The following CAMKMT variants were observed in gnomAD, a reference collection of about 807,000 sequenced individuals.
CAMKMT encodes calmodulin-lysine N-methyltransferase.
CAMKMT carries 53 observed loss-of-function variants against 48.0 expected under a neutral mutation model. The ratio of observed to expected loss-of-function variants is 1.10; its 90% CI spans 0.89 to 1.39. The LOEUF (loss-of-function observed/expected upper bound fraction) is 1.39. Ranked by LOEUF, CAMKMT falls within the 40% of genes most tolerant of loss-of-function variation. The pLI is 0.00. For missense variants in CAMKMT, 428 were observed against 402.7 expected, an observed-to-expected ratio of 1.06 and a Z score of -0.54; for synonymous variants, 165 against 152.3, an observed-to-expected ratio of 1.08 and a Z score of -0.61.
intron 3 of CAMKMT, among the ~76,000 whole-genome samples, chr2:44,663,588 TCTC>T (rs1205228390): frequency 1.3e-5 from 2 of 152,220 alleles, no homozygotes; most frequent in African/African-American, 4.8e-5. Flanking sequence ...GAGCCTTTCT[TCTC>T]CTTCCTGCAG....
intron 3 of CAMKMT, among the ~76,000 whole-genome samples, chr2:44,606,848 C>G (rs1671315299): frequency 6.8e-6 from 1 of 147,502 alleles, no homozygotes; most frequent in Non-Finnish European, 1.5e-5. Flanking sequence ...TTCAGTTTAT[C>G]TATAGTTTAT....
At chr2:44,470,886 T>C (rs1270966508) in intron 3 of CAMKMT, among the ~76,000 whole-genome samples, 3 of 152,184 alleles carry the variant, frequency 2.0e-5, no homozygotes, top group African/African-American at 7.2e-5. Flanking sequence ...TTTGTCAGTT[T>C]ATCTGCTATG....
At chr2:44,582,297 GAA>G (rs999135384) in intron 3 of CAMKMT, among the ~76,000 whole-genome samples, 2 of 152,124 alleles carry the variant, frequency 1.3e-5, no homozygotes, top group Non-Finnish European at 2.9e-5. Context: ...TCTCTGAAAA[GAA>G]AAGAGCATAA....
At position 44,695,893 on chromosome 2, in the gene CAMKMT, A is replaced by G. The variant is rs535153896; in HGVS notation, c.377-8390A>G. Among the ~76,000 whole-genome samples the G allele has an allele frequency of 5.9e-5, 9 of 151,388 alleles. No homozygotes were observed. The South Asian group carries it at 1.9e-3, about 32-fold the overall frequency. Reference sequence around the variant, plus strand: ...CATCTGAGGATTCAGCCAACCTCTGATCCAAAATATTCAAAAAAAAAAAAA... The same window carrying G: ...CATCTGAGGATTCAGCCAACCTCTGGTCCAAAATATTCAAAAAAAAAAAAA... On this transcript the variant is annotated intron_variant, in intron 3 of 10. Coordinates refer to ENST00000378494, the MANE Select transcript of CAMKMT (RefSeq NM_024766.5).
At chr2:44,613,885 G>A (rs1671728136) in intron 3 of CAMKMT, among the ~76,000 whole-genome samples, 1 of 152,138 alleles carries the variant, frequency 6.6e-6, no homozygotes, top group Non-Finnish European at 1.5e-5. Context: ...ATGGAATGAA[G>A]AGGTTCAATT....
chr2:44,467,975 C>G (rs1403718269), intron 3 of CAMKMT, among the ~76,000 whole-genome samples: 1 of 152,096 alleles, frequency 6.6e-6, no homozygotes, highest in Admixed American at 6.6e-5. Flanking sequence ...ACCTCAAAAA[C>G]ATAGGCAACA....
chr2:44,751,820 T>C (rs935135396), intron 8 of CAMKMT, among the ~76,000 whole-genome samples: 9 of 152,224 alleles, frequency 5.9e-5, no homozygotes, highest in Non-Finnish European at 1.3e-4. Context: ...AGCATATTGC[T>C]GGCATCTGCT....
intron 3 of CAMKMT, among the ~76,000 whole-genome samples, chr2:44,392,812 T>C (rs1302971036): frequency 2.0e-5 from 3 of 151,958 alleles, no homozygotes; most frequent in African/African-American, 7.2e-5. Context: ...TGATAGAGAG[T>C]GAAAGTTCCA....
Position 44,702,652 on chromosome 2 carries a change from A to G in CAMKMT, c.377-1631A>G, listed in dbSNP as rs540551154. Among the ~76,000 whole-genome samples, 494 of 152,300 alleles carry G rather than the reference A, an allele frequency of 3.2e-3. 2 individuals carry two copies. The highest frequency in any genetic ancestry group is 4.1e-3 in the Admixed American group (63 of 15,298). ...CAAAATATCTGTGATCTTAACTGCC[A>G]CATTCCACTGCCTCTCTTACTTTCC... On this transcript the variant is annotated intron_variant, in intron 3 of 10. Coordinates refer to ENST00000378494, the MANE Select transcript of CAMKMT (RefSeq NM_024766.5).
intron 3 of CAMKMT, among the ~76,000 whole-genome samples, chr2:44,645,638 T>C (rs998622760): frequency 2.0e-5 from 3 of 152,074 alleles, no homozygotes; most frequent in African/African-American, 7.2e-5. Context: ...CTGGCCAACA[T>C]GGTGAAACCC....
intron 3 of CAMKMT, among the ~76,000 whole-genome samples, chr2:44,695,749 T>C (rs1418666148): frequency 6.6e-6 from 1 of 152,022 alleles, no homozygotes; most frequent in Non-Finnish European, 1.5e-5. Flanking sequence ...ACTTAGCAGA[T>C]ATGAGAAAGC....
At chr2:44,380,773 T>C (rs1237249587) in intron 2 of CAMKMT, among the ~76,000 whole-genome samples, 1 of 152,204 alleles carries the variant, frequency 6.6e-6, no homozygotes, top group Non-Finnish European at 1.5e-5. Context: ...ATTTCATTTT[T>C]ATAAGTATCT....
chr2:44,594,740 A>G (rs1046161261), intron 3 of CAMKMT, among the ~76,000 whole-genome samples: 12 of 152,222 alleles, frequency 7.9e-5, no homozygotes, highest in Admixed American at 4.6e-4. Flanking sequence ...GCCATTCAGG[A>G]CATAGGCATG....
chr2:44,558,583 A>G (rs1438836187), intron 3 of CAMKMT, among the ~76,000 whole-genome samples: 2 of 152,168 alleles, frequency 1.3e-5, no homozygotes, highest in African/African-American at 2.4e-5. Flanking sequence ...CATATGCCCC[A>G]TGGACTACTA....
intron 2 of CAMKMT, among the ~76,000 whole-genome samples, chr2:44,389,658 T>A (rs1479880145): frequency 6.6e-6 from 1 of 152,168 alleles, no homozygotes; most frequent in Non-Finnish European, 1.5e-5. Flanking sequence ...TAATAAAATA[T>A]CAGTGTCAAG....
intron 7 of CAMKMT, among the ~76,000 whole-genome samples, chr2:44,726,936 G>A (rs1274924950): frequency 6.6e-6 from 1 of 152,020 alleles, no homozygotes; most frequent in Non-Finnish European, 1.5e-5. Flanking sequence ...GCAAGTGTGC[G>A]GCTTTATTTC....
chr2:44,365,196 T>C (rs901845148), intron 1 of CAMKMT, among the ~76,000 whole-genome samples: 2 of 152,258 alleles, frequency 1.3e-5, no homozygotes, highest in African/African-American at 4.8e-5. Context: ...CTGAAGAACA[T>C]CTGCTCTGTC....
intron 2 of CAMKMT, among the ~76,000 whole-genome samples, chr2:44,388,995 AG>A (rs1288334220): frequency 3.9e-5 from 6 of 152,022 alleles, no homozygotes; most frequent in Non-Finnish European, 7.4e-5. Context: ...TCCTGCTGGG[AG>A]GTGGTGCTTT....
intron 3 of CAMKMT, among the ~76,000 whole-genome samples, chr2:44,411,348 C>T (rs1005494006): frequency 6.6e-6 from 1 of 152,122 alleles, no homozygotes; most frequent in South Asian, 2.1e-4. Context: ...AAGACATTGT[C>T]TTATAGAAAA....
Sources: allele counts gnomAD v4.1 joint callset (sites outside exome capture counted in the v4.1 genomes callset), GRCh38; gene constraint gnomAD v4.1.1; transcripts MANE v1.5; gene names NCBI Gene and HGNC (gene_info 2026-07-23, HGNC 2026-07-21).